Variants in GIPC1 observed in about 807,000 individuals in gnomAD.
The protein encoded by GIPC1 is GIPC PDZ domain containing family member 1.
Under a neutral mutation model 28.5 loss-of-function variants are expected in GIPC1, and 15 were observed. The observed-to-expected ratio is 0.53, with a 90% confidence interval of 0.35 to 0.81. GIPC1 has a LOEUF of 0.81. Ranked by LOEUF, GIPC1 falls within the 30% of genes least tolerant of loss-of-function variation. The pLI is 0.01. For synonymous variants in GIPC1, 224 were observed against 206.1 expected, an observed-to-expected ratio of 1.09 and a Z score of -0.74; for missense variants, 439 against 481.9, an observed-to-expected ratio of 0.91 and a Z score of 0.83.
At chr19:14,485,440 C>G (rs183029055) in intron 3 of GIPC1, among the ~76,000 whole-genome samples, 1 of 151,532 alleles carries the variant, frequency 6.6e-6, no homozygotes, top group Admixed American at 6.6e-5. Flanking sequence ...CACTTGAGGT[C>G]AGGAGTTCGA....
At chr19:14,490,846 A>G (rs1268036852) in intron 3 of GIPC1, among the ~76,000 whole-genome samples, 2 of 150,924 alleles carry the variant, frequency 1.3e-5, no homozygotes, top group African/African-American at 2.4e-5. Context: ...GTGGTGGCAC[A>G]CACCTGTAGT....
intron 3 of GIPC1, chr19:14,489,328 A>G: frequency 1.3e-6 from 1 of 773,050 alleles, no homozygotes; most frequent in Non-Finnish European, 2.4e-6. Flanking sequence ...CTACCGCGGT[A>G]GCGTGAGGGA....
chr19:14,484,468 G>A (rs1371397849), intron 3 of GIPC1, among the ~76,000 whole-genome samples: 4 of 151,698 alleles, frequency 2.6e-5, no homozygotes, highest in East Asian at 3.9e-4. Flanking sequence ...TTTGCAGGCC[G>A]GGTGCGGTGG....
Position 14,480,647 on chromosome 19 carries a change from C to T in GIPC1, c.420G>A (p.Glu140=). 1.2e-6 allele frequency: 2 copies of T among 1,614,210 alleles called. No individual in the cohort carries two copies. Among genetic ancestry groups the T allele is most frequent in the South Asian group, 2.2e-5 (2 of 91,092 alleles). Reference sequence around the variant, plus strand: ...CCGTGATGGTGAGCCCGAGTGCATCCTCCGACTTGAACACCTCCACCTCCT... The same window carrying T: ...CCGTGATGGTGAGCCCGAGTGCATCTTCCGACTTGAACACCTCCACCTCCT... The part of the protein sequence containing the change: ...QRKEVEVFKS[E]DALGLTITDN... The change falls in exon 5 of 9, where the codon GAG becomes GAA. Residue 140 remains glutamate (E), a synonymous_variant. Coordinates refer to ENST00000393033, the MANE Select transcript of GIPC1 (RefSeq NM_005716.4).
chr19:14,478,399 A>T lies in GIPC1; in HGVS notation c.*17T>A. ...CAGGTTGCGCCCGGGTCATCATCGC[A>T]GGGTCCGGGGGCAGTCCTAGTAGCG... On this transcript the variant is annotated 3_prime_UTR_variant, in exon 9 of 9. Transcript: ENST00000393033. This position sits in a 1 kb window ranked among gnomAD's most constrained non-coding sequence, Gnocchi z 5.2. The T allele has an allele frequency of 6.3e-7, 1 of 1,591,752 alleles. No homozygotes were observed. The highest frequency in any genetic ancestry group is 1.1e-5 in the South Asian group (1 of 88,838).
intron 1 of GIPC1, among the ~76,000 whole-genome samples, chr19:14,494,735 C>A (rs1397931657): frequency 6.6e-6 from 1 of 152,188 alleles, no homozygotes; most frequent in Non-Finnish European, 1.5e-5. Flanking sequence ...GCCCCCTAAA[C>A]ATGCCTGCTG....
At chr19:14,483,610 A>G (rs1222520399) in intron 3 of GIPC1, 2 of 151,910 alleles carry the variant, frequency 1.3e-5, no homozygotes, top group Non-Finnish European at 2.9e-5. Context: ...TTAGCCAGGC[A>G]TGGTGGCGCA....
chr19:14,479,356 A>AG, intron 7 of GIPC1, 56 bp downstream of exon 7: 1 of 787,606 alleles, frequency 1.3e-6, no homozygotes. Flanking sequence ...CTGTCTCAAA[A>AG]AAAAAAAAAA....
In GIPC1 at chr19:14,478,415, C is replaced by G. The variant is rs1165064573; in HGVS notation, c.*1G>C. 1 of 1,605,712 alleles carries G rather than the reference C, an allele frequency of 6.2e-7. No individual in the cohort carries two copies. The highest frequency in any genetic ancestry group is 8.5e-7 in the Non-Finnish European group (1 of 1,176,544). On this transcript the variant is annotated 3_prime_UTR_variant, in exon 9 of 9. Coordinates refer to ENST00000393033, the MANE Select transcript of GIPC1 (RefSeq NM_005716.4). The surrounding 1 kb of genome is among the most constrained non-coding windows in gnomAD (Gnocchi z 5.2). ...CATCATCGCAGGGTCCGGGGGCAGTCCTAGTAGCGGCCGACCTTGGCGTCC... is the reference window on the plus strand; with the variant it reads ...CATCATCGCAGGGTCCGGGGGCAGTGCTAGTAGCGGCCGACCTTGGCGTCC...
At chr19:14,490,434 T>C (rs2071943734) in intron 3 of GIPC1, among the ~76,000 whole-genome samples, 2 of 151,602 alleles carry the variant, frequency 1.3e-5, no homozygotes, top group Admixed American at 1.3e-4. Context: ...TCCCAGCACT[T>C]TGGGAGGCAG....
In GIPC1 at chr19:14,495,208, G is replaced by A. The variant is rs958360895; in HGVS notation, c.-175+829C>T. 2.3e-4 allele frequency among the ~76,000 whole-genome samples: 35 copies of A among 152,128 alleles called. 1 individual carries two copies. Among genetic ancestry groups the A allele is most frequent in the Middle Eastern group, 3.4e-3 (1 of 292 alleles). ...TCTCTTCTCTGGACCCAGGTAGTTA[G>A]ACCTGCCCTCTCCAGCTCTGGGGAG... On this transcript the variant is annotated intron_variant, in intron 1 of 8. Transcript: ENST00000393033.
At chr19:14,489,968 T>G (rs1227413120) in intron 3 of GIPC1, among the ~76,000 whole-genome samples, 1 of 151,430 alleles carries the variant, frequency 6.6e-6, no homozygotes, top group Non-Finnish European at 1.5e-5. Flanking sequence ...TGGGGCCTAG[T>G]GGGAGGTGTC....
rs908986130 is a variant in GIPC1, at chr19:14,480,315, G to T, written c.645C>A (p.Arg215=). The T allele has an allele frequency of 1.2e-6, 2 of 1,610,750 alleles. No homozygotes were observed. The highest frequency in any genetic ancestry group is 1.7e-5 in the Admixed American group (1 of 60,026). The change falls in exon 6 of 9, where the codon CGC becomes CGA. Residue 215 remains arginine (R), a synonymous_variant. Transcript: ENST00000393033. ...RTFTLKLTEP[R]KAFDMISQRS... is the part of the protein sequence containing the mutation. ...GGGGCGGCTCCTCACCGAAGGCCTT[G>T]CGAGGCTCCGTGAGCTTCAGCGTGA...
At chr19:14,480,931 G>A in intron 4 of GIPC1, 153 bp from the exon 5 acceptor site, 1 of 610,682 alleles carries the variant, frequency 1.6e-6, no homozygotes. Context: ...CCACAGCAGG[G>A]CCCACATTAG....
Position 14,480,636 on chromosome 19 carries a change from C to G in GIPC1, c.431G>C (p.Gly144Ala). The G allele has an allele frequency of 6.2e-7, 1 of 1,614,202 alleles. No individual in the cohort carries two copies. The highest frequency in any genetic ancestry group is 8.5e-7 in the Non-Finnish European group (1 of 1,180,022). ...AGCCCCGTTGTCCGTGATGGTGAGC[C>G]CGAGTGCATCCTCCGACTTGAACAC... Reference protein sequence around the residue: ...VEVFKSEDALGLTITDNGAGY... With the variant: ...VEVFKSEDALALTITDNGAGY... The change falls in exon 5 of 9, where the codon GGG becomes GCG. Residue 144 changes from glycine to alanine, a missense_variant. Coordinates refer to ENST00000393033, the MANE Select transcript of GIPC1 (RefSeq NM_005716.4).
At chr19:14,495,257 G>A (rs2072051270) in intron 1 of GIPC1, among the ~76,000 whole-genome samples, 1 of 134,662 alleles carries the variant, frequency 7.4e-6, no homozygotes, top group Admixed American at 8.1e-5. Context: ...GCAGCTTCCT[G>A]TTTGAGTGGC....
Position 14,483,748 on chromosome 19 carries a change from CAATAATAATAATAATAATAATAAT to C in GIPC1, c.-30-766_-30-743del, listed in dbSNP as rs151161206. On this transcript the variant is annotated intron_variant, in intron 3 of 8. Transcript: ENST00000393033. The stretch of plus-strand genomic sequence containing the variant: ...TGGGCAAAAGAGCAAGACTCTGTCT[CAATAATAATAATAATAATAATAAT>C]AATAATAATAATAATAATAATAATA... Among the ~76,000 whole-genome samples, 726 of 141,502 alleles carry C rather than the reference CAATAATAATAATAATAATAATAAT, an allele frequency of 5.1e-3. 9 individuals carry two copies. Among genetic ancestry groups the C allele is most frequent in the African/African-American group, 0.016 (629 of 38,204 alleles). The allele number at this position is 141,502 out of a possible 152,430, so 92.8% of individuals were successfully genotyped here. A position where few individuals can be genotyped will look rare whatever the true frequency, so the allele number is the denominator to read the frequency against.
In GIPC1 at chr19:14,478,404, C is replaced by T; in HGVS notation, c.*12G>A. The T allele has an allele frequency of 6.2e-7, 1 of 1,600,664 alleles. No homozygotes were observed. The highest frequency in any genetic ancestry group is 1.1e-5 in the South Asian group (1 of 89,234). ...TGCGCCCGGGTCATCATCGCAGGGTCCGGGGGCAGTCCTAGTAGCGGCCGA... is the reference window on the plus strand; with the variant it reads ...TGCGCCCGGGTCATCATCGCAGGGTTCGGGGGCAGTCCTAGTAGCGGCCGA... On this transcript the variant is annotated 3_prime_UTR_variant, in exon 9 of 9. Coordinates refer to ENST00000393033, the MANE Select transcript of GIPC1 (RefSeq NM_005716.4). The surrounding 1 kb of genome is among the most constrained non-coding windows in gnomAD (Gnocchi z 5.2).
intron 2 of GIPC1, 132 bp downstream of exon 2, chr19:14,492,725 A>G (rs1358647164): frequency 6.6e-6 from 1 of 152,204 alleles, no homozygotes; most frequent in Non-Finnish European, 1.5e-5. Flanking sequence ...GCCCTGGTTC[A>G]TGCCAGCTTC....
Sources: gnomAD v4.1 joint callset for allele counts (sites outside exome capture counted in the v4.1 genomes callset) on GRCh38, gnomAD v4.1.1 for gene constraint, Gnocchi (gnomAD v3.1) non-coding constraint, MANE v1.5 for transcripts, NCBI Gene and HGNC (gene_info 2026-07-23, HGNC 2026-07-21) for gene names.